SP1: variants seen among roughly 807,000 people sequenced by gnomAD.
SP1 encodes transcription factor Sp1.
A neutral mutation model predicts 66.3 loss-of-function variants in SP1; 6 were observed. The ratio of observed to expected loss-of-function variants is 0.09; its 90% CI spans 0.05 to 0.18. SP1 has a LOEUF of 0.18. Ranked by LOEUF, SP1 falls within the 10% of genes least tolerant of loss-of-function variation. The pLI is 1.00. For missense variants in SP1, 848 were observed against 964.5 expected (o/e 0.88, Z 1.60); for synonymous variants, 417 against 360.8 (o/e 1.16, Z -1.77).
intron 2 of SP1, 81 bp downstream of exon 2, chr12:53,381,894 C>T: frequency 6.7e-7 from 1 of 1,485,888 alleles, no homozygotes; most frequent in Non-Finnish European, 9.1e-7. Context: ...TCACAGAAAG[C>T]GTTTTAGGGA....
In SP1 at chr12:53,382,592, C is replaced by T. The variant is rs1350742516; in HGVS notation, c.645C>T (p.Ile215=). ...QIIPGANQQI[I]TNRGSGGNII... ...TACCAGGTGCAAACCAACAGATTAT[C>T]ACAAATCGAGGAAGTGGAGGCAACA... The change falls in exon 3 of 6, where the codon ATC becomes ATT. Residue 215 remains isoleucine (I), a synonymous_variant. Transcript: ENST00000327443. 9 of 1,614,136 alleles carry T rather than the reference C, an allele frequency of 5.6e-6. No individual in the cohort carries two copies. Among genetic ancestry groups the T allele is most frequent in the Non-Finnish European group, 6.8e-6 (8 of 1,180,022 alleles).
intron 1 of SP1, among the ~76,000 whole-genome samples, chr12:53,381,096 G>A (rs1017422921): frequency 3.3e-5 from 5 of 151,386 alleles, no homozygotes; most frequent in African/African-American, 9.7e-5. Flanking sequence ...GGAATTACAG[G>A]CATGCGCCAC....
intron 3 of SP1, among the ~76,000 whole-genome samples, chr12:53,390,016 GC>G (rs1429361119): frequency 2.0e-5 from 3 of 152,174 alleles, no homozygotes; most frequent in Non-Finnish European, 4.4e-5. Flanking sequence ...GGGTTGGTTT[GC>G]CAAGGGTGTC....
In SP1 at chr12:53,413,186, C is replaced by T. The variant is rs1209104484; in HGVS notation, c.*1946C>T. 1 of 152,548 alleles carries T rather than the reference C, an allele frequency of 6.6e-6. No homozygotes were observed. Among genetic ancestry groups the T allele is most frequent in the East Asian group, 1.9e-4 (1 of 5,198 alleles). 9.4% of individuals were successfully genotyped at this position (152,548 alleles called of 1,614,324 possible). A position where few individuals can be genotyped will look rare whatever the true frequency, so the allele number is the denominator to read the frequency against. On this transcript the variant is annotated 3_prime_UTR_variant, in exon 6 of 6. Transcript: ENST00000327443. ...CCTTTCAGGCCCATTACCTAGAAAT[C>T]TATCTTAAAACCTGGGTATGTTCCT...
intron 2 of SP1, 53 bp downstream of exon 2, chr12:53,381,866 A>G: frequency 6.4e-7 from 1 of 1,564,746 alleles, no homozygotes; most frequent in East Asian, 2.2e-5. Flanking sequence ...AAATATTCTT[A>G]GATAATTGCC....
Position 53,411,447 on chromosome 12 carries a change from T to C in SP1, c.*207T>C. ...GTGCCTCTTTGAAGGTGGGAAACAT[T>C]AGTGAAAATTCTGTTGGTGCCACGC... On this transcript the variant is annotated 3_prime_UTR_variant, in exon 6 of 6. Transcript: ENST00000327443. The C allele has an allele frequency of 2.1e-6, 1 of 486,724 alleles. No individual in the cohort carries two copies. Among genetic ancestry groups the C allele is most frequent in the East Asian group, 3.3e-5 (1 of 30,648 alleles). 30.2% of individuals were successfully genotyped at this position (486,724 alleles called of 1,614,324 possible).
chr12:53,396,596 A>C (rs1938495855), intron 3 of SP1, among the ~76,000 whole-genome samples: 3 of 152,146 alleles, frequency 2.0e-5, no homozygotes, highest in Non-Finnish European at 4.4e-5. Flanking sequence ...AACAAAAAAC[A>C]GATAAGGTTG....
rs1938157578 is a variant in SP1, at chr12:53,383,511, C to G, written c.1564C>G (p.Gln522Glu). 6.2e-7 allele frequency: 1 copy of G among 1,614,196 alleles called. No individual in the cohort carries two copies. Among genetic ancestry groups the G allele is most frequent in the Non-Finnish European group, 8.5e-7 (1 of 1,180,032 alleles). ...TGGCACAGTCACTGTGAATGCTGCT[C>G]AACTCTCCTCCATGCCAGGCCTCCA... ...PAGTVTVNAAQLSSMPGLQTI... is the reference protein window; with the variant it reads ...PAGTVTVNAAELSSMPGLQTI... The change falls in exon 3 of 6, where the codon CAA becomes GAA. Residue 522 changes from glutamine (Q) to glutamate (E), a missense_variant. Coordinates refer to ENST00000327443, the MANE Select transcript of SP1 (RefSeq NM_138473.3).
chr12:53,380,425 C>A lies in SP1; in HGVS notation c.7+127C>A, dbSNP rs1565805336. The A allele has an allele frequency of 5.9e-6, 5 of 841,554 alleles. No homozygotes were observed. The South Asian group carries it at 1.4e-4, about 23-fold the overall frequency. The allele number at this position is 841,554 out of a possible 1,614,324, so 52.1% of individuals were successfully genotyped here. A position where few individuals can be genotyped will look rare whatever the true frequency, so the allele number is the denominator to read the frequency against. Reference sequence around the variant, plus strand: ...AGGCGGCGGCGGCGGCGGCCTAGGTCCCGCCCGGGGCGGAGGGAAGGGAGG... The same window carrying A: ...AGGCGGCGGCGGCGGCGGCCTAGGTACCGCCCGGGGCGGAGGGAAGGGAGG... On this transcript the variant is annotated intron_variant, in intron 1 of 5. Coordinates refer to ENST00000327443, the MANE Select transcript of SP1 (RefSeq NM_138473.3).
At chr12:53,405,681 AAGAG>A (rs996844251) in intron 3 of SP1, among the ~76,000 whole-genome samples, 90 of 147,906 alleles carry the variant, frequency 6.1e-4, no homozygotes, top group African/African-American at 1.7e-3. Context: ...AAGGAAAGAA[AAGAG>A]AGAGAGAGAG....
At chr12:53,404,555 A>G (rs1013326764) in intron 3 of SP1, among the ~76,000 whole-genome samples, 1 of 152,082 alleles carries the variant, frequency 6.6e-6, no homozygotes, top group Admixed American at 6.6e-5. Flanking sequence ...AAAAAAAAAA[A>G]AAAGAATATT....
intron 4 of SP1, among the ~76,000 whole-genome samples, chr12:53,406,977 A>G (rs1938754762): frequency 6.6e-6 from 1 of 151,784 alleles, no homozygotes; most frequent in South Asian, 2.1e-4. Flanking sequence ...GGCACCTGTC[A>G]CCACACCCAG....
At chr12:53,393,952 C>T (rs550525829) in intron 3 of SP1, among the ~76,000 whole-genome samples, 20 of 151,778 alleles carry the variant, frequency 1.3e-4, no homozygotes, top group Admixed American at 6.6e-5. Context: ...TGGTGCCTCA[C>T]GCCTGTAACC....
chr12:53,388,668 G>T, intron 3 of SP1, among the ~76,000 whole-genome samples: 1 of 151,914 alleles, frequency 6.6e-6, no homozygotes. Context: ...TTCAGCTTTT[G>T]CCTTCCTGCT....
Position 53,411,911 on chromosome 12 carries a change from CTTTT to C in SP1, c.*673_*676del, listed in dbSNP as rs1938897620. ...AATGTTTTTCCTTTCTTAATTTTGT[CTTTT>C]TGTTTGGGATCAGCTTCTTGCACTC... On this transcript the variant is annotated 3_prime_UTR_variant, in exon 6 of 6. Coordinates refer to ENST00000327443, the MANE Select transcript of SP1 (RefSeq NM_138473.3). 1.3e-5 allele frequency: 2 copies of C among 152,222 alleles called. No homozygotes were observed. The highest frequency in any genetic ancestry group is 4.8e-5 in the African/African-American group (2 of 41,328). The allele number at this position is 152,222 out of a possible 1,614,324, so 9.4% of individuals were successfully genotyped here. A position where few individuals can be genotyped will look rare whatever the true frequency, so the allele number is the denominator to read the frequency against.
intron 4 of SP1, among the ~76,000 whole-genome samples, chr12:53,409,019 G>C (rs1468546640): frequency 6.6e-6 from 1 of 152,062 alleles, no homozygotes; most frequent in Non-Finnish European, 1.5e-5. Context: ...GAGCTCAGGG[G>C]TTCGAGACCA....
Position 53,416,045 on chromosome 12 carries a change from C to T in SP1, c.*4805C>T, listed in dbSNP as rs1938989683. ...TGGAAGGGATGGGTGGTGCTCCAAT[C>T]TCTGGTGCCTAAAAACCCAAGTTTA... On this transcript the variant is annotated 3_prime_UTR_variant, in exon 6 of 6. Transcript: ENST00000327443. 6.5e-6 allele frequency: 1 copy of T among 152,692 alleles called. No homozygotes were observed. The highest frequency in any genetic ancestry group is 2.1e-4 in the South Asian group (1 of 4,836). 9.5% of individuals were successfully genotyped at this position (152,692 alleles called of 1,614,324 possible). A position where few individuals can be genotyped will look rare whatever the true frequency, so the allele number is the denominator to read the frequency against.
At position 53,408,299 on chromosome 12, in the gene SP1, C is replaced by T. The variant is rs573194208; in HGVS notation, c.1845-1063C>T. ...TTGCCCAGGCTGGAGTGCAACGGCA[C>T]GATCTCGGCTCACTGCAACCTCCAC... is the stretch of plus-strand genomic sequence containing the variant. On this transcript the variant is annotated intron_variant, in intron 4 of 5. Coordinates refer to ENST00000327443, the MANE Select transcript of SP1 (RefSeq NM_138473.3). Among the ~76,000 whole-genome samples, 17 of 148,470 alleles carry T rather than the reference C, an allele frequency of 1.1e-4. No homozygotes were observed. In the South Asian group the frequency reaches 3.1e-3, roughly 27 times the overall value.
Position 53,382,902 on chromosome 12 carries a change from T to A in SP1, c.955T>A (p.Ser319Thr). ...SLVSSQASSS[S>T]FFTNANSYST... ...GGTATCATCACAAGCCAGTTCCAGCTCCTTTTTCACCAATGCCAATAGCTA... is the reference window on the plus strand; with the variant it reads ...GGTATCATCACAAGCCAGTTCCAGCACCTTTTTCACCAATGCCAATAGCTA... The change falls in exon 3 of 6, where the codon TCC becomes ACC. Residue 319 changes from serine to threonine, a missense_variant. Physicochemically the swap from Ser to Thr is moderately conservative, Grantham distance 58. Around this residue, in one of 7 missense-constraint regions of SP1, gnomAD observed 606 missense variants for 589.9 expected, o/e 1.03. Transcript: ENST00000327443. 6.2e-7 allele frequency: 1 copy of A among 1,614,106 alleles called. No homozygotes were observed. Among genetic ancestry groups the A allele is most frequent in the African/African-American group, 1.3e-5 (1 of 75,028 alleles).
Sources: allele counts gnomAD v4.1 joint callset (sites outside exome capture counted in the v4.1 genomes callset), GRCh38; gene constraint gnomAD v4.1.1; regional missense constraint gnomAD v4.1.1; transcripts MANE v1.5; gene names NCBI Gene and HGNC (gene_info 2026-07-23, HGNC 2026-07-21).